Variants in KIF5C observed in about 807,000 individuals in gnomAD.
The protein encoded by KIF5C is kinesin family member 5C.
KIF5C carries 18 observed loss-of-function variants against 125.2 expected under a neutral mutation model. The ratio of observed to expected loss-of-function variants is 0.14; its 90% CI spans 0.10 to 0.21. The LOEUF is 0.21. Among genes scored for constraint, KIF5C ranks in the 10% least tolerant of loss-of-function variants. The pLI is 1.00. For missense variants in KIF5C, 780 were observed against 1,183.8 expected (o/e 0.66, Z 5.01); for synonymous variants, 405 against 434.0 (o/e 0.93, Z 0.83).
At position 148,991,778 on chromosome 2, in the gene KIF5C, CA is replaced by C. The variant is rs1558936513; in HGVS notation, c.1905+587del. Reference sequence around the variant, plus strand: ...GCCCGTGAATGACAGAGCTAGGACTCAAAAAAATGTGTGTGAACCCAAAACC... The same window carrying C: ...GCCCGTGAATGACAGAGCTAGGACTCAAAAAATGTGTGTGAACCCAAAACC... On this transcript the variant is annotated intron_variant, in intron 16 of 25. Transcript: ENST00000435030. Among the ~76,000 whole-genome samples, 3 of 152,220 alleles carry C rather than the reference CA, an allele frequency of 2.0e-5. No individual in the cohort carries two copies. The South Asian group carries it at 6.2e-4, about 32-fold the overall frequency.
At chr2:149,010,489 C>T in intron 24 of KIF5C, 138 bp downstream of exon 24, 1 of 1,399,334 alleles carries the variant, frequency 7.1e-7, no homozygotes, top group Non-Finnish European at 9.4e-7. Context: ...GGACGCAGCC[C>T]TCACCGCACC....
chr2:148,904,102 G>A (rs1681007246), intron 1 of KIF5C, among the ~76,000 whole-genome samples: 1 of 152,172 alleles, frequency 6.6e-6, no homozygotes, highest in South Asian at 2.1e-4. Flanking sequence ...CTTGTCAAGA[G>A]CAAGAGATTT....
At chr2:148,881,568 T>C (rs1175625740) in intron 1 of KIF5C, among the ~76,000 whole-genome samples, 2 of 152,098 alleles carry the variant, frequency 1.3e-5, no homozygotes, top group Non-Finnish European at 2.9e-5. Flanking sequence ...TTTCTGTAAA[T>C]AACTTGGGTA....
At chr2:148,923,326 C>T (rs1011796502) in intron 2 of KIF5C, among the ~76,000 whole-genome samples, 17 of 152,146 alleles carry the variant, frequency 1.1e-4, no homozygotes, top group African/African-American at 4.1e-4. Context: ...TGTAATGTTC[C>T]TTGCTGAGGT....
At chr2:148,880,280 T>C (rs1681309615) in intron 1 of KIF5C, among the ~76,000 whole-genome samples, 3 of 152,048 alleles carry the variant, frequency 2.0e-5, no homozygotes, top group Admixed American at 1.3e-4. Flanking sequence ...GCCACCACAT[T>C]CAGCTAATTT....
In KIF5C at chr2:148,876,560, C is replaced by T. The variant is rs1681198556; in HGVS notation, c.126+817C>T. On this transcript the variant is annotated intron_variant, in intron 1 of 25. Transcript: ENST00000435030. The surrounding 1 kb of genome is among the most constrained non-coding windows in gnomAD (Gnocchi z 4.7). ...CCCCCTGTGCCAAGAGCAGAAGTTA[C>T]TTCGTGCGGCTCGGACCCCCCTCCC... Among the ~76,000 whole-genome samples the T allele has an allele frequency of 6.6e-6, 1 of 152,170 alleles. No individual in the cohort carries two copies. The highest frequency in any genetic ancestry group is 2.4e-5 in the African/African-American group (1 of 41,450).
At chr2:148,932,364 GAACA>G (rs984262376) in intron 3 of KIF5C, among the ~76,000 whole-genome samples, 12 of 152,160 alleles carry the variant, frequency 7.9e-5, no homozygotes, top group Non-Finnish European at 1.0e-4. Flanking sequence ...GTATTGAGGG[GAACA>G]AACAGACAAG....
intron 15 of KIF5C, among the ~76,000 whole-genome samples, chr2:148,984,461 C>T (rs1160081759): frequency 6.6e-6 from 1 of 152,214 alleles, no homozygotes; most frequent in African/African-American, 2.4e-5. Context: ...TTCCTTTCTC[C>T]TGTCCTCAGC....
chr2:148,989,654 T>A (rs1681474794), intron 15 of KIF5C, among the ~76,000 whole-genome samples: 1 of 152,242 alleles, frequency 6.6e-6, no homozygotes, highest in Non-Finnish European at 1.5e-5. Context: ...ATCTATTTTT[T>A]TTTATTTTTT....
intron 19 of KIF5C, among the ~76,000 whole-genome samples, chr2:148,999,115 C>T (rs953350826): frequency 5.3e-5 from 8 of 152,238 alleles, no homozygotes; most frequent in African/African-American, 1.2e-4. Context: ...GACACCCCCT[C>T]ATGTTGTGCT....
In KIF5C at chr2:148,991,056, G is replaced by A; in HGVS notation, c.1763G>A (p.Arg588His). ...ATTGAGGAGGAGTTTACCATGGCCC[G>A]CCTGTACATCAGCAAGATGAAGTCA... Reference protein sequence around the residue: ...GVIEEEFTMARLYISKMKSEV... With the variant: ...GVIEEEFTMAHLYISKMKSEV... The change falls in exon 16 of 26, where the codon CGC becomes CAC. Residue 588 changes from arginine (R) to histidine (H), a missense_variant. Arg to His is a conservative substitution (Grantham distance 29). Transcript: ENST00000435030. The A allele has an allele frequency of 1.9e-6, 3 of 1,613,684 alleles. No homozygotes were observed. Among genetic ancestry groups the A allele is most frequent in the South Asian group, 1.1e-5 (1 of 91,002 alleles).
rs569655692 is a variant in KIF5C at position 149,008,079 on chromosome 2, C to T, written c.2550+12C>T. On this transcript the variant is annotated intron_variant, in intron 23 of 25. Coordinates refer to ENST00000435030, the MANE Select transcript of KIF5C (RefSeq NM_004522.3). ...AAGTTCACAAGCAGGTAGGAGAGTT[C>T]TGCCCGCTCCCCTCTGATTCCCTCC... is the stretch of plus-strand genomic sequence containing the variant. The T allele has an allele frequency of 6.2e-7, 1 of 1,603,548 alleles. No individual in the cohort carries two copies. The highest frequency in any genetic ancestry group is 1.7e-5 in the Admixed American group (1 of 59,652).
At chr2:148,940,419 C>G (rs1165003254) in intron 4 of KIF5C, among the ~76,000 whole-genome samples, 1 of 152,178 alleles carries the variant, frequency 6.6e-6, no homozygotes, top group African/African-American at 2.4e-5. Context: ...TTCCAGGGCT[C>G]AAGCTAGGAC....
intron 1 of KIF5C, among the ~76,000 whole-genome samples, chr2:148,884,976 T>TG (rs1047043401): frequency 6.6e-6 from 1 of 150,870 alleles, no homozygotes; most frequent in African/African-American, 2.4e-5. Context: ...TAATTGTTTT[T>TG]TTTTTTTTTT....
intron 7 of KIF5C, among the ~76,000 whole-genome samples, chr2:148,946,535 A>G (rs1334252169): frequency 4.6e-5 from 7 of 152,184 alleles, no homozygotes; most frequent in Admixed American, 2.0e-4. Flanking sequence ...AATCATGATG[A>G]AGTCTGAGGA....
chr2:148,938,598 A>G (rs1682340382), intron 4 of KIF5C, among the ~76,000 whole-genome samples: 1 of 152,150 alleles, frequency 6.6e-6, no homozygotes, highest in Non-Finnish European at 1.5e-5. Flanking sequence ...CCCAGCCTAC[A>G]TAGGTGCCCC....
intron 1 of KIF5C, among the ~76,000 whole-genome samples, chr2:148,898,692 A>G (rs927376235): frequency 9.2e-5 from 14 of 152,194 alleles, no homozygotes; most frequent in African/African-American, 3.4e-4. Flanking sequence ...AATCTCTCCT[A>G]GAGCCTCCAG....
intron 25 of KIF5C, among the ~76,000 whole-genome samples, chr2:149,013,397 C>T (rs1682269389): frequency 6.6e-6 from 1 of 152,194 alleles, no homozygotes; most frequent in South Asian, 2.1e-4. Context: ...AGTAGCCTTC[C>T]TGAAGCCCCA....
At chr2:148,964,999 T>G (rs1268446875) in intron 11 of KIF5C, among the ~76,000 whole-genome samples, 1 of 151,546 alleles carries the variant, frequency 6.6e-6, no homozygotes, top group Non-Finnish European at 1.5e-5. Context: ...TGAGAGATAT[T>G]TAGGAGGAGA....
Sources: allele counts gnomAD v4.1 joint callset (sites outside exome capture counted in the v4.1 genomes callset), GRCh38; gene constraint gnomAD v4.1.1; non-coding constraint Gnocchi (gnomAD v3.1); transcripts MANE v1.5; gene names NCBI Gene and HGNC (gene_info 2026-07-23, HGNC 2026-07-21).